SPIDR: variants seen among roughly 807,000 people sequenced by gnomAD.
SPIDR encodes the protein DNA repair-scaffolding protein.
A neutral mutation model predicts 104.6 loss-of-function variants in SPIDR; 93 were observed. That is an observed-to-expected ratio of 0.89 (90% confidence interval 0.75 to 1.06). SPIDR has a LOEUF of 1.06. SPIDR is among the 50% of genes least tolerant of loss of function. SPIDR has a pLI of 0.00. For missense variants in SPIDR, 1,154 were observed against 1,111.2 expected (o/e 1.04, Z -0.55); for synonymous variants, 431 against 416.9 (o/e 1.03, Z -0.41).
At chr8:47,526,727 G>A (rs2085049509) in intron 8 of SPIDR, among the ~76,000 whole-genome samples, 1 of 152,178 alleles carries the variant, frequency 6.6e-6, no homozygotes, top group African/African-American at 2.4e-5. Context: ...CAAAGCAGGA[G>A]TTCTGACTTC....
chr8:47,598,871 C>A lies in SPIDR; in HGVS notation c.1294-75C>A, dbSNP rs2061930228. 4 of 1,571,172 alleles carry A rather than the reference C, an allele frequency of 2.5e-6. No individual in the cohort carries two copies. In the Admixed American group the frequency reaches 6.8e-5, roughly 27 times the overall value. Reference sequence around the variant, plus strand: ...CTTAAGGATGTCATTATTTGGTGTGCAGCATGTTGCTTGTTGTTAGCCGAA... The same window carrying A: ...CTTAAGGATGTCATTATTTGGTGTGAAGCATGTTGCTTGTTGTTAGCCGAA... On this transcript the variant is annotated intron_variant, in intron 9 of 19. Transcript: ENST00000297423.
At chr8:47,691,664 C>G (rs865975052) in intron 11 of SPIDR, among the ~76,000 whole-genome samples, 18 of 152,206 alleles carry the variant, frequency 1.2e-4, no homozygotes, top group African/African-American at 3.9e-4. Flanking sequence ...AAGCCATGTT[C>G]TCTTGTGCTG....
chr8:47,412,691 AT>A (rs2063710203), intron 7 of SPIDR, among the ~76,000 whole-genome samples: 1 of 152,186 alleles, frequency 6.6e-6, no homozygotes, highest in Non-Finnish European at 1.5e-5. Flanking sequence ...ATTCTACAGT[AT>A]GTTATCTCAT....
At chr8:47,530,825 G>A (rs1001538504) in intron 8 of SPIDR, among the ~76,000 whole-genome samples, 2 of 151,566 alleles carry the variant, frequency 1.3e-5, no homozygotes, top group Non-Finnish European at 2.9e-5. Flanking sequence ...AGTAACACTT[G>A]GCTTATAACA....
chr8:47,466,916 G>A (rs59069131), intron 8 of SPIDR, among the ~76,000 whole-genome samples: 1 of 109,192 alleles, frequency 9.2e-6, no homozygotes, highest in African/African-American at 4.2e-5. Context: ...TATATATATA[G>A]ATAGATAGAT....
chr8:47,487,178 A>T (rs1473977706), intron 8 of SPIDR, among the ~76,000 whole-genome samples: 5 of 5,800 alleles, frequency 8.6e-4, no homozygotes, highest in Non-Finnish European at 2.0e-3. Context: ...AATGGAAAAC[A>T]AAACAAAACA....
chr8:47,547,198 C>T (rs1471213328), intron 8 of SPIDR: 2 of 646,548 alleles, frequency 3.1e-6, no homozygotes, highest in Admixed American at 4.0e-5. Flanking sequence ...TCCTTTTGTG[C>T]CCACGAAGAT....
chr8:47,680,450 C>T (rs968818404), intron 11 of SPIDR, among the ~76,000 whole-genome samples: 1 of 152,122 alleles, frequency 6.6e-6, no homozygotes, highest in Admixed American at 6.5e-5. Context: ...CTGGGGTACA[C>T]CAAAGTGCTG....
intron 8 of SPIDR, among the ~76,000 whole-genome samples, chr8:47,539,588 T>G (rs966172850): frequency 1.3e-5 from 2 of 152,230 alleles, no homozygotes; most frequent in Non-Finnish European, 2.9e-5. Context: ...TTTCTGGCCA[T>G]GTCCTTTGGC....
rs145045842 is a variant in SPIDR, at chr8:47,388,045, G to A, written c.526-8331G>A. Among the ~76,000 whole-genome samples the A allele has an allele frequency of 4.6e-5, 7 of 152,234 alleles. No individual in the cohort carries two copies. The East Asian group carries it at 1.4e-3, about 29-fold the overall frequency. ...GTCATGAAGGTCATTGTACTTTCCTGCCTTAGGTGCTTTCTTCTCTCTTTC... is the reference window on the plus strand; with the variant it reads ...GTCATGAAGGTCATTGTACTTTCCTACCTTAGGTGCTTTCTTCTCTCTTTC... On this transcript the variant is annotated intron_variant, in intron 5 of 19. Coordinates refer to ENST00000297423, the MANE Select transcript of SPIDR (RefSeq NM_001080394.4).
chr8:47,422,392 G>A (rs1245351980), intron 7 of SPIDR, among the ~76,000 whole-genome samples: 8 of 152,196 alleles, frequency 5.3e-5, no homozygotes, highest in African/African-American at 1.2e-4. Flanking sequence ...CTCTGTGGGC[G>A]TAGGACCCTC....
At chr8:47,333,259 C>T (rs555705971) in intron 5 of SPIDR, among the ~76,000 whole-genome samples, 71 of 152,168 alleles carry the variant, frequency 4.7e-4, no homozygotes, top group African/African-American at 1.7e-3. Flanking sequence ...GGATGTTTTA[C>T]AGTTAACTTA....
Position 47,713,606 on chromosome 8 carries a change from C to T in SPIDR, c.2306C>T (p.Ser769Phe). 6.2e-7 allele frequency: 1 copy of T among 1,614,212 alleles called. No individual in the cohort carries two copies. The highest frequency in any genetic ancestry group is 8.5e-7 in the Non-Finnish European group (1 of 1,180,048). Residue 769 changes from serine (S) to phenylalanine (F), a missense_variant, in exon 16 of 20, where the codon TCT (serine) becomes TTT (phenylalanine). By Grantham distance (155) the Ser-to-Phe change is radical (BLOSUM62 -2). Coordinates refer to ENST00000297423, the MANE Select transcript of SPIDR (RefSeq NM_001080394.4). ...CCGGTGATGCTCGACAGCCTGGACT[C>T]TGCAACACCTGTCAACTCCATCTGC... The part of the protein sequence containing the change: ...PGPVMLDSLD[S>F]ATPVNSICSV...
intron 10 of SPIDR, among the ~76,000 whole-genome samples, chr8:47,618,505 T>C (rs2064669101): frequency 6.6e-6 from 1 of 152,180 alleles, no homozygotes; most frequent in South Asian, 2.1e-4. Context: ...ATAATTTTAT[T>C]TTCTAAATAT....
chr8:47,542,326 G>A (rs1300570605), intron 8 of SPIDR, among the ~76,000 whole-genome samples: 1 of 152,096 alleles, frequency 6.6e-6, no homozygotes, highest in Non-Finnish European at 1.5e-5. Flanking sequence ...GAGGGTTGTG[G>A]TGAATGTAAC....
intron 5 of SPIDR, among the ~76,000 whole-genome samples, chr8:47,351,988 G>T (rs1370511035): frequency 1.3e-5 from 2 of 152,040 alleles, no homozygotes; most frequent in Non-Finnish European, 2.9e-5. Context: ...TGTGTTAGAG[G>T]ATAATTTGGG....
At chr8:47,662,330 G>C (rs1441998920) in intron 10 of SPIDR, among the ~76,000 whole-genome samples, 7 of 152,196 alleles carry the variant, frequency 4.6e-5, no homozygotes, top group African/African-American at 1.4e-4. Context: ...TGCTACCGGG[G>C]TTGCAAGTTT....
chr8:47,326,644 C>T (rs1023105304), intron 5 of SPIDR, among the ~76,000 whole-genome samples: 2 of 152,186 alleles, frequency 1.3e-5, no homozygotes, highest in Non-Finnish European at 2.9e-5. Context: ...CTTGGTAACA[C>T]CAGTCTGCTT....
chr8:47,640,976 G>C (rs2068852407), intron 10 of SPIDR, among the ~76,000 whole-genome samples: 2 of 148,376 alleles, frequency 1.3e-5, no homozygotes, highest in Non-Finnish European at 3.0e-5. Flanking sequence ...GCCTCCCAAA[G>C]CGCTAGGATT....
Sources: allele counts gnomAD v4.1 joint callset (sites outside exome capture counted in the v4.1 genomes callset), GRCh38; gene constraint gnomAD v4.1.1; transcripts MANE v1.5; gene names NCBI Gene and HGNC (gene_info 2026-07-23, HGNC 2026-07-21).